Variants in CDH13 observed in about 807,000 individuals in gnomAD.
CDH13 encodes cadherin-13.
Under a neutral mutation model 63.8 loss-of-function variants are expected in CDH13, and 24 were observed. That is an observed-to-expected ratio of 0.38 (90% CI 0.27 to 0.53). The LOEUF (loss-of-function observed/expected upper bound fraction) is 0.53, where lower values mean the gene tolerates loss of function less well. CDH13 is among the 20% of genes least tolerant of loss of function. The probability of loss-of-function intolerance (pLI) is 0.85; values close to 1 mark genes in which losing one functional copy is unlikely to be tolerated. For missense variants in CDH13, 1,049 were observed against 903.1 expected (o/e 1.16, Z -2.07); for synonymous variants, 503 against 355.3 (o/e 1.42, Z -4.67).
At chr16:82,717,464 C>A (rs1349501314) in intron 1 of CDH13, among the ~76,000 whole-genome samples, 2 of 150,406 alleles carry the variant, frequency 1.3e-5, no homozygotes, top group African/African-American at 2.4e-5. Flanking sequence ...AGAGCCCCCC[C>A]ACTCATCCAC....
At chr16:82,907,440 C>T (rs1018318384) in intron 2 of CDH13, among the ~76,000 whole-genome samples, 2 of 152,154 alleles carry the variant, frequency 1.3e-5, no homozygotes, top group African/African-American at 2.4e-5. Context: ...TTTCCCAAGT[C>T]ACACTGCAAC....
chr16:83,691,157 A>G (rs1904840161), intron 10 of CDH13, among the ~76,000 whole-genome samples: 1 of 151,732 alleles, frequency 6.6e-6, no homozygotes, highest in Non-Finnish European at 1.5e-5. Context: ...TGACTCCAAG[A>G]TTTTTGTCCC....
At chr16:83,661,246 C>T (rs909423263) in intron 8 of CDH13, among the ~76,000 whole-genome samples, 3 of 152,026 alleles carry the variant, frequency 2.0e-5, no homozygotes, top group Non-Finnish European at 2.9e-5. Context: ...CAGCACTTTG[C>T]GGGACCAAGA....
At chr16:83,762,056 C>T (rs889401106) in intron 11 of CDH13, among the ~76,000 whole-genome samples, 1 of 152,118 alleles carries the variant, frequency 6.6e-6, no homozygotes, top group African/African-American at 2.4e-5. Context: ...AGCGAGACCC[C>T]ACCTAAAAAA....
chr16:83,474,478 T>C (rs1264622819), intron 6 of CDH13, among the ~76,000 whole-genome samples: 2 of 151,970 alleles, frequency 1.3e-5, no homozygotes, highest in African/African-American at 2.4e-5. Flanking sequence ...TCAAGAGAAT[T>C]TTAAAATATC....
chr16:82,658,515 T>C (rs1480993096), intron 1 of CDH13, among the ~76,000 whole-genome samples: 1 of 152,252 alleles, frequency 6.6e-6, no homozygotes, highest in Non-Finnish European at 1.5e-5. Flanking sequence ...TGGTTAAGAC[T>C]GGAGTCAGGC....
chr16:83,520,723 G>A (rs1389820678), intron 7 of CDH13, among the ~76,000 whole-genome samples: 1 of 152,150 alleles, frequency 6.6e-6, no homozygotes. Flanking sequence ...TTGCAGGAAT[G>A]TGGCATCATC....
intron 1 of CDH13, among the ~76,000 whole-genome samples, chr16:82,821,679 A>G (rs77029926): frequency 0.026 from 3,891 of 152,356 alleles, 185 homozygotes; most frequent in African/African-American, 0.089. Context: ...TGAAAGAAGG[A>G]GAGTAATATT....
intron 1 of CDH13, among the ~76,000 whole-genome samples, chr16:82,693,479 G>C (rs7342746): frequency 0.1 from 15,192 of 152,114 alleles, 1,018 homozygotes; most frequent in African/African-American, 0.19. Context: ...AAACATTTAG[G>C]TCTAAACACT....
rs536189051 is a variant in CDH13, at chr16:83,427,544, C to G, written c.782-58933C>G. On this transcript the variant is annotated intron_variant, in intron 6 of 13. Coordinates refer to ENST00000567109, the MANE Select transcript of CDH13 (RefSeq NM_001257.5). ...GATCTCCAACTTCTGACCTCTAAAA[C>G]TATAAATCATCAGAGTTGTTTTAAG... Among the ~76,000 whole-genome samples the G allele has an allele frequency of 2.6e-3, 401 of 152,300 alleles. 4 individuals carry two copies. The highest frequency in any genetic ancestry group is 9.2e-3 in the African/African-American group (384 of 41,566).
At chr16:83,353,323 C>G (rs931147086) in intron 6 of CDH13, among the ~76,000 whole-genome samples, 4 of 152,242 alleles carry the variant, frequency 2.6e-5, no homozygotes, top group African/African-American at 9.6e-5. Context: ...AGTCGGCTCC[C>G]TTGTCATAGC....
chr16:83,330,187 A>G (rs2090451089), intron 5 of CDH13, among the ~76,000 whole-genome samples: 1 of 152,190 alleles, frequency 6.6e-6, no homozygotes, highest in Non-Finnish European at 1.5e-5. Flanking sequence ...AACTAAATAG[A>G]CACACACATA....
chr16:83,111,178 A>G (rs1395856547), intron 3 of CDH13, among the ~76,000 whole-genome samples: 1 of 152,120 alleles, frequency 6.6e-6, no homozygotes, highest in African/African-American at 2.4e-5. Context: ...TCTCAAAAAA[A>G]AAAGAAAAAA....
intron 1 of CDH13, among the ~76,000 whole-genome samples, chr16:82,783,878 G>C (rs1288903600): frequency 6.6e-6 from 1 of 152,160 alleles, no homozygotes; most frequent in Non-Finnish European, 1.5e-5. Context: ...TGGAGATGGA[G>C]TTAGTGGAGG....
At chr16:83,792,348 G>A (rs1289691288) in intron 13 of CDH13, among the ~76,000 whole-genome samples, 1 of 151,614 alleles carries the variant, frequency 6.6e-6, no homozygotes, top group Admixed American at 6.6e-5. Context: ...CAATAGCCCT[G>A]GGACGAGTCA....
At chr16:83,258,809 A>G (rs1906612920) in intron 5 of CDH13, among the ~76,000 whole-genome samples, 1 of 152,212 alleles carries the variant, frequency 6.6e-6, no homozygotes, top group Non-Finnish European at 1.5e-5. Context: ...TCGTGACGCT[A>G]TAAATAACAG....
chr16:82,751,272 G>C (rs1481264514), intron 1 of CDH13, among the ~76,000 whole-genome samples: 2 of 152,172 alleles, frequency 1.3e-5, no homozygotes, highest in African/African-American at 2.4e-5. Flanking sequence ...ATGCGTGCGA[G>C]TTAATGCTCT....
intron 1 of CDH13, among the ~76,000 whole-genome samples, chr16:82,725,034 T>A (rs1007738689): frequency 1.3e-5 from 2 of 152,152 alleles, no homozygotes; most frequent in African/African-American, 4.8e-5. Context: ...CAATACTAAG[T>A]TCTTGATAAA....
intron 1 of CDH13, among the ~76,000 whole-genome samples, chr16:82,838,136 T>G (rs2038849234): frequency 1.3e-5 from 2 of 152,230 alleles, no homozygotes; most frequent in African/African-American, 4.8e-5. Context: ...GCTCTTCCCC[T>G]GAGTTCTCCA....
Sources: allele counts gnomAD v4.1 joint callset (sites outside exome capture counted in the v4.1 genomes callset), GRCh38; gene constraint gnomAD v4.1.1; transcripts MANE v1.5; gene names NCBI Gene and HGNC (gene_info 2026-07-23, HGNC 2026-07-21).